PIP5K1B: variants seen among roughly 807,000 people sequenced by gnomAD.
The protein encoded by PIP5K1B is phosphatidylinositol-4-phosphate 5-kinase type 1 beta, also known as phosphatidylinositol 4-phosphate 5-kinase type-1 beta.
In PIP5K1B, 42 loss-of-function variants were observed where a neutral mutation model predicts 67.0. That is an observed-to-expected ratio of 0.63 (90% confidence interval 0.49 to 0.81). The LOEUF (loss-of-function observed/expected upper bound fraction) is 0.81, where lower values mean the gene tolerates loss of function less well. Ranked by LOEUF, PIP5K1B falls within the 30% of genes least tolerant of loss-of-function variation. PIP5K1B has a pLI of 0.00. For missense variants in PIP5K1B, 459 were observed against 646.3 expected (o/e 0.71, Z 3.14); for synonymous variants, 214 against 231.4 (o/e 0.92, Z 0.68).
chr9:68,723,424 C>T (rs932295838), intron 1 of PIP5K1B, among the ~76,000 whole-genome samples: 6 of 151,480 alleles, frequency 4.0e-5, no homozygotes, highest in African/African-American at 1.5e-4. Context: ...ACATCGTTTT[C>T]CGTAATGGCT....
At chr9:68,770,141 C>T (rs755321721) in intron 2 of PIP5K1B, among the ~76,000 whole-genome samples, 2 of 152,204 alleles carry the variant, frequency 1.3e-5, no homozygotes. Flanking sequence ...GAAAGGTCTT[C>T]GCTGGCTTCT....
At chr9:68,716,227 G>A (rs7853748) in intron 1 of PIP5K1B, among the ~76,000 whole-genome samples, 83,928 of 152,092 alleles carry the variant, frequency 0.55, 23,454 homozygotes, top group East Asian at 0.69. Flanking sequence ...CAAGGATACA[G>A]CCAGTTACAT....
rs1266808348 is a variant in PIP5K1B at position 68,792,462 on chromosome 9, GTTGTTGT to G, written c.-85-25993_-85-25987del. Reference sequence around the variant, plus strand: ...TTTACTGTGGCACATGTGTTTTTTTGTTGTTGTTTGTTTGTTTGTTTGTTTGTTTGTT... The same window carrying G: ...TTTACTGTGGCACATGTGTTTTTTTGTTGTTTGTTTGTTTGTTTGTTTGTT... On this transcript the variant is annotated intron_variant, in intron 2 of 15. Transcript: ENST00000265382. Among the ~76,000 whole-genome samples the G allele has an allele frequency of 2.7e-3, 182 of 66,278 alleles. 1 individual carries two copies. Among genetic ancestry groups the G allele is most frequent in the East Asian group, 0.027 (53 of 1,992 alleles). The allele number at this position is 66,278 out of a possible 152,430, so 43.5% of individuals were successfully genotyped here. A position where few individuals can be genotyped will look rare whatever the true frequency, so the allele number is the denominator to read the frequency against.
chr9:68,972,000 A>G (rs1054819431), intron 14 of PIP5K1B, among the ~76,000 whole-genome samples: 25 of 152,218 alleles, frequency 1.6e-4, no homozygotes, highest in African/African-American at 5.8e-4. Context: ...ATTAGATCTC[A>G]TTTGTCAGTT....
At chr9:69,005,698 G>A (rs10869686) in intron 15 of PIP5K1B, among the ~76,000 whole-genome samples, 16,681 of 151,956 alleles carry the variant, frequency 0.11, 1,148 homozygotes, top group East Asian at 0.35. Flanking sequence ...AATTTTTAAT[G>A]GGATCTTGTG....
intron 14 of PIP5K1B, among the ~76,000 whole-genome samples, chr9:68,953,835 T>G (rs1194921753): frequency 6.8e-6 from 1 of 146,338 alleles, no homozygotes. Context: ...AAAAAATCCC[T>G]GACTGGAAAC....
intron 14 of PIP5K1B, among the ~76,000 whole-genome samples, chr9:68,952,758 T>G (rs73647035): frequency 6.6e-6 from 1 of 152,072 alleles, no homozygotes; most frequent in Non-Finnish European, 1.5e-5. Context: ...TGTTCTGATT[T>G]CTGATCTTCT....
intron 2 of PIP5K1B, among the ~76,000 whole-genome samples, chr9:68,752,819 T>C (rs1829702654): frequency 1.3e-5 from 2 of 152,232 alleles, no homozygotes; most frequent in Non-Finnish European, 2.9e-5. Context: ...CTTTCTGCCA[T>C]ATGGTGCAGA....
chr9:68,978,545 A>G (rs1829739145), intron 14 of PIP5K1B, among the ~76,000 whole-genome samples: 1 of 152,088 alleles, frequency 6.6e-6, no homozygotes, highest in Admixed American at 6.5e-5. Flanking sequence ...TGTTGCCCCA[A>G]CTTTTTGGGA....
At chr9:68,733,831 G>A (rs1451727481) in intron 1 of PIP5K1B, among the ~76,000 whole-genome samples, 2 of 151,788 alleles carry the variant, frequency 1.3e-5, no homozygotes, top group Non-Finnish European at 2.9e-5. Flanking sequence ...GTTGAGACGG[G>A]GTTTCACCAT....
In PIP5K1B at chr9:68,940,723, A is replaced by G; in HGVS notation, c.1435A>G (p.Ile479Val). 6.2e-7 allele frequency: 1 copy of G among 1,613,998 alleles called. No individual in the cohort carries two copies. The highest frequency in any genetic ancestry group is 8.5e-7 in the Non-Finnish European group (1 of 1,179,912). The change falls in exon 14 of 16, where the codon ATT (isoleucine) becomes GTT (valine). Residue 479 changes from isoleucine (I) to valine (V), a missense_variant. By Grantham distance (29) the Ile-to-Val change is conservative. This residue lies in a region of PIP5K1B where 169 missense variants were observed against 171.9 expected (regional missense o/e 0.98). Coordinates refer to ENST00000265382, the MANE Select transcript of PIP5K1B (RefSeq NM_003558.4). ...LFEAASLATT[I>V]SSSSLYVNEH... ...TGAAGCTGCTTCCTTGGCAACCACAATTTCATCTTCTTCCTTATACGTCAA... is the reference window on the plus strand; with the variant it reads ...TGAAGCTGCTTCCTTGGCAACCACAGTTTCATCTTCTTCCTTATACGTCAA...
chr9:68,721,902 C>T (rs375839143), intron 1 of PIP5K1B, among the ~76,000 whole-genome samples: 25 of 152,218 alleles, frequency 1.6e-4, no homozygotes, highest in East Asian at 1.2e-3. Flanking sequence ...TGGCTCATTC[C>T]GTTGTTTTCT....
intron 1 of PIP5K1B, among the ~76,000 whole-genome samples, chr9:68,732,242 T>C (rs1043188010): frequency 6.6e-6 from 1 of 152,250 alleles, no homozygotes. Context: ...TGTTGGATTG[T>C]AAATTGCTTG....
chr9:68,791,292 G>A (rs1363753237), intron 2 of PIP5K1B, among the ~76,000 whole-genome samples: 1 of 152,196 alleles, frequency 6.6e-6, no homozygotes, highest in Non-Finnish European at 1.5e-5. Flanking sequence ...TCAGAACTTG[G>A]GAGTGACAAG....
intron 2 of PIP5K1B, among the ~76,000 whole-genome samples, chr9:68,760,048 C>T (rs968312722): frequency 2.6e-5 from 4 of 152,010 alleles, no homozygotes; most frequent in African/African-American, 9.7e-5. Context: ...ATCTGGATTA[C>T]CCTTTATTAA....
intron 1 of PIP5K1B, among the ~76,000 whole-genome samples, chr9:68,726,558 A>C (rs1357368263): frequency 2.0e-5 from 3 of 152,234 alleles, no homozygotes; most frequent in Admixed American, 1.3e-4. Flanking sequence ...TTGTGGACTA[A>C]GCATGGCAGA....
chr9:68,761,838 G>T (rs1830198903), intron 2 of PIP5K1B, among the ~76,000 whole-genome samples: 1 of 152,122 alleles, frequency 6.6e-6, no homozygotes, highest in South Asian at 2.1e-4. Flanking sequence ...TTCACCTGCA[G>T]CCTTAATTCC....
chr9:68,952,024 C>A lies in PIP5K1B; in HGVS notation c.1502+11234C>A, dbSNP rs1214190711. On this transcript the variant is annotated intron_variant, in intron 14 of 15. Transcript: ENST00000265382. ...ATACCACGTATGTGTACTGTTCCCA[C>A]CCCCTCCTCCTACACCCTTCCAGTT... 2.0e-5 allele frequency among the ~76,000 whole-genome samples: 3 copies of A among 152,234 alleles called. No individual in the cohort carries two copies. The East Asian group carries it at 5.8e-4, about 29-fold the overall frequency.
rs565344698 is a variant in PIP5K1B at position 68,840,556 on chromosome 9, C to T, written c.69+17873C>T. On this transcript the variant is annotated intron_variant, in intron 4 of 15. Transcript: ENST00000265382. ...ATCAAGGTGTCAGTGTGGCTGTGTTCCTTATGGAGGCTCTAGGAGAGAAGC... is the reference window on the plus strand; with the variant it reads ...ATCAAGGTGTCAGTGTGGCTGTGTTTCTTATGGAGGCTCTAGGAGAGAAGC... Among the ~76,000 whole-genome samples, 1,476 of 152,226 alleles carry T rather than the reference C, an allele frequency of 9.7e-3. 14 individuals are homozygous for T. The highest frequency in any genetic ancestry group is 0.016 in the Non-Finnish European group (1,116 of 68,012).
Sources: allele counts gnomAD v4.1 joint callset (sites outside exome capture counted in the v4.1 genomes callset), GRCh38; gene constraint gnomAD v4.1.1; regional missense constraint gnomAD v4.1.1; transcripts MANE v1.5; gene names NCBI Gene and HGNC (gene_info 2026-07-23, HGNC 2026-07-21).